The following IRS2 variants were observed in gnomAD, a reference collection of about 807,000 sequenced individuals.
The protein encoded by IRS2 is insulin receptor substrate 2.
Under a neutral mutation model 70.9 loss-of-function variants are expected in IRS2, and 28 were observed. The observed-to-expected ratio is 0.39, with a 90% confidence interval of 0.29 to 0.54. The LOEUF (loss-of-function observed/expected upper bound fraction) is 0.54, where lower values mean the gene tolerates loss of function less well. Among genes scored for constraint, IRS2 ranks in the 20% least tolerant of loss-of-function variants. The pLI is 0.59. For missense variants in IRS2, 2,081 were observed against 2,024.1 expected, an observed-to-expected ratio of 1.03 and a Z score of -0.54; for synonymous variants, 1,217 against 981.9, an observed-to-expected ratio of 1.24 and a Z score of -4.48.
intron 1 of IRS2, among the ~76,000 whole-genome samples, chr13:109,770,012 G>A (rs1877417266): frequency 1.3e-5 from 2 of 152,160 alleles, no homozygotes; most frequent in Admixed American, 1.3e-4. Flanking sequence ...GGCAAAAGGT[G>A]AGAATGGGAG....
At position 109,784,083 on chromosome 13, in the gene IRS2, C is replaced by T. The variant is rs756121311; in HGVS notation, c.1971G>A (p.Thr657=). 14 of 1,584,780 alleles carry T rather than the reference C, an allele frequency of 8.8e-6. No individual in the cohort carries two copies. Among genetic ancestry groups the T allele is most frequent in the Non-Finnish European group, 9.4e-6 (11 of 1,172,936 alleles). ...CACTGCCCGCGAGGGCCGCGCCGGG[C>T]GTCATGGGCATGTAGCCGTCGTCTG... ...LGADDGYMPM[T]PGAALAGSGS... Residue 657 remains threonine, a synonymous_variant, in exon 1 of 2, where the codon ACG becomes ACA. Coordinates refer to ENST00000375856, the MANE Select transcript of IRS2 (RefSeq NM_003749.3). The surrounding 1 kb of genome is among the most constrained non-coding windows in gnomAD (Gnocchi z 5.2).
At position 109,784,276 on chromosome 13, in the gene IRS2, G is replaced by A. The variant is rs1396514764; in HGVS notation, c.1778C>T (p.Ala593Val). Residue 593 changes from alanine to valine, a missense_variant, in exon 1 of 2, where the codon GCC becomes GTC. Transcript: ENST00000375856. The surrounding 1 kb of genome is among the most constrained non-coding windows in gnomAD (Gnocchi z 5.2). ...RQRPVPQPSS[A>V]SLDEYTLMRA... ...CATCAGGGTGTATTCATCCAGCGAG[G>A]CAGAGGAGGGCTGGGGCACCGGCCG... The A allele has an allele frequency of 1.9e-6, 3 of 1,594,670 alleles. No homozygotes were observed. Among genetic ancestry groups the A allele is most frequent in the Non-Finnish European group, 2.6e-6 (3 of 1,170,322 alleles).
At chr13:109,761,950 A>G (rs1015241681) in intron 1 of IRS2, among the ~76,000 whole-genome samples, 2 of 152,194 alleles carry the variant, frequency 1.3e-5, no homozygotes, top group African/African-American at 4.8e-5. Context: ...AGTAAAAGGT[A>G]TCTCCCCCTT....
Position 109,786,545 on chromosome 13 carries a change from A to T in IRS2, c.-492T>A. 1 of 153,614 alleles carries T rather than the reference A, an allele frequency of 6.5e-6. No individual in the cohort carries two copies. 9.5% of individuals were successfully genotyped at this position (153,614 alleles called of 1,614,324 possible). On this transcript the variant is annotated 5_prime_UTR_variant, in exon 1 of 2. Transcript: ENST00000375856. This position sits in a 1 kb window ranked among gnomAD's most constrained non-coding sequence, Gnocchi z 4.4. ...GTTGCTGCTGCTGCTGCCAACGGCGACCCGGGCTCGTCGCGGTCCCCGCCG... is the reference window on the plus strand; with the variant it reads ...GTTGCTGCTGCTGCTGCCAACGGCGTCCCGGGCTCGTCGCGGTCCCCGCCG...
rs751575384 is a variant in IRS2 at position 109,785,193 on chromosome 13, G to A, written c.861C>T (p.Ile287=). 2.5e-5 allele frequency: 40 copies of A among 1,603,372 alleles called. No individual in the cohort carries two copies. Among genetic ancestry groups the A allele is most frequent in the Non-Finnish European group, 3.1e-5 (36 of 1,175,754 alleles). Residue 287 remains isoleucine (I), a synonymous_variant, in exon 1 of 2, where the codon ATC becomes ATT. Transcript: ENST00000375856. The surrounding 1 kb of genome is among the most constrained non-coding windows in gnomAD (Gnocchi z 9.3). ...CCTTGAGCGCCTTCATGGCCTCCAG[G>A]ATGGTCTCGTGGATGTTCTGCGCCA... ...SVVAQNIHET[I]LEAMKALKEL...
chr13:109,782,024 G>A lies in IRS2; in HGVS notation c.4012+18C>T. The A allele has an allele frequency of 1.2e-6, 2 of 1,611,590 alleles. No homozygotes were observed. The highest frequency in any genetic ancestry group is 8.5e-7 in the Non-Finnish European group (1 of 1,179,574). ...GCCCCTCCTTCCCGCCAGACGCCAA[G>A]GCAAAGGGCCTCCTCACCTTTCACG... On this transcript the variant is annotated intron_variant, in intron 1 of 1. Transcript: ENST00000375856.
rs1262863588 is a variant in IRS2 at position 109,754,944 on chromosome 13, G to A, written c.*1360C>T. ...AGATAGGCACTGGGGAAGCCCCCAC[G>A]GGAGGAGAGGTCGACAGCCCTCCAA... On this transcript the variant is annotated 3_prime_UTR_variant, in exon 2 of 2. Transcript: ENST00000375856. 8 of 222,168 alleles carry A rather than the reference G, an allele frequency of 3.6e-5. No individual in the cohort carries two copies. Among genetic ancestry groups the A allele is most frequent in the South Asian group, 1.8e-4 (1 of 5,428 alleles). The allele number at this position is 222,168 out of a possible 1,614,324, so 13.8% of individuals were successfully genotyped here. A position where few individuals can be genotyped will look rare whatever the true frequency, so the allele number is the denominator to read the frequency against.
chr13:109,765,270 A>G (rs1215505635), intron 1 of IRS2, among the ~76,000 whole-genome samples: 1 of 152,232 alleles, frequency 6.6e-6, no homozygotes. Flanking sequence ...TGCAAAATGG[A>G]AAACGCCAAG....
intron 1 of IRS2, among the ~76,000 whole-genome samples, chr13:109,756,575 C>T (rs999258985): frequency 6.6e-6 from 1 of 152,088 alleles, no homozygotes; most frequent in South Asian, 2.1e-4. Context: ...GAAAAATATT[C>T]GCATGTGTTT....
Position 109,753,422 on chromosome 13 carries a change from G to C in IRS2, c.*2882C>G, listed in dbSNP as rs1566402796. ...ATTCTGGACTGCAGAGCTGGGGAGC[G>C]GTCCTGGTTTTACCACTCATGGACT... On this transcript the variant is annotated 3_prime_UTR_variant, in exon 2 of 2. Transcript: ENST00000375856. The C allele has an allele frequency of 6.6e-6, 1 of 152,150 alleles. No homozygotes were observed. The highest frequency in any genetic ancestry group is 1.5e-5 in the Non-Finnish European group (1 of 68,064). The allele number at this position is 152,150 out of a possible 1,614,324, so 9.4% of individuals were successfully genotyped here. A position where few individuals can be genotyped will look rare whatever the true frequency, so the allele number is the denominator to read the frequency against.
Position 109,782,110 on chromosome 13 carries a change from G to A in IRS2, c.3944C>T (p.Pro1315Leu). The change falls in exon 1 of 2, where the codon CCC (proline) becomes CTC (leucine). Residue 1315 changes from proline to leucine, a missense_variant. Physicochemically the swap from Pro to Leu is moderately conservative, Grantham distance 98. Transcript: ENST00000375856. Reference protein sequence around the residue: ...GCGGPGPGALPPANTYASIDF... With the variant: ...GCGGPGPGALLPANTYASIDF... Reference sequence around the variant, plus strand: ...AATGCTGGCGTAGGTGTTGGCAGGGGGCAGGGCACCGGGACCCGGCCCCCC... The same window carrying A: ...AATGCTGGCGTAGGTGTTGGCAGGGAGCAGGGCACCGGGACCCGGCCCCCC... The A allele has an allele frequency of 1.2e-6, 2 of 1,611,604 alleles. No homozygotes were observed. The highest frequency in any genetic ancestry group is 1.7e-6 in the Non-Finnish European group (2 of 1,179,482).
At chr13:109,769,461 C>T (rs761588392) in intron 1 of IRS2, among the ~76,000 whole-genome samples, 9 of 152,156 alleles carry the variant, frequency 5.9e-5, no homozygotes, top group Non-Finnish European at 1.2e-4. Context: ...TGGAACATAC[C>T]GGGCAACCTG....
chr13:109,774,775 T>TTATA (rs1877534166), intron 1 of IRS2, among the ~76,000 whole-genome samples: 2 of 152,250 alleles, frequency 1.3e-5, no homozygotes, highest in African/African-American at 4.8e-5. Context: ...TTTTGGAATA[T>TTATA]TATACCATAT....
Position 109,773,004 on chromosome 13 carries a change from A to AT in IRS2, c.4012+9037dup, listed in dbSNP as rs1877491893. ...GCCACCGCGCCCGGCCGCCTATTAC[A>AT]TTTTTTAAAGTGTGAATATCTTAAG... On this transcript the variant is annotated intron_variant, in intron 1 of 1. Transcript: ENST00000375856. Among the ~76,000 whole-genome samples, 3 of 152,074 alleles carry AT rather than the reference A, an allele frequency of 2.0e-5. 1 individual carries two copies.
chr13:109,783,717 G>C lies in IRS2; in HGVS notation c.2337C>G (p.Thr779=). 1 of 1,574,342 alleles carries C rather than the reference G, an allele frequency of 6.4e-7. No homozygotes were observed. Among genetic ancestry groups the C allele is most frequent in the Non-Finnish European group, 8.6e-7 (1 of 1,160,090 alleles). ...GGGCTGCGGAGAAGAAGTCGGGCGG[G>C]GTGCCCGTGGTGACCGCGTCGCTGG... is the stretch of plus-strand genomic sequence containing the variant. ...VSPSDAVTTG[T]PPDFFSAALH... Residue 779 remains threonine (T), a synonymous_variant, in exon 1 of 2, where the codon ACC becomes ACG. Coordinates refer to ENST00000375856, the MANE Select transcript of IRS2 (RefSeq NM_003749.3).
intron 1 of IRS2, among the ~76,000 whole-genome samples, chr13:109,779,465 A>T (rs1475774441): frequency 3.3e-5 from 5 of 152,230 alleles, no homozygotes; most frequent in Non-Finnish European, 7.3e-5. Flanking sequence ...AGCATCCCAA[A>T]CAAATTTCTA....
chr13:109,782,428 G>A lies in IRS2; in HGVS notation c.3626C>T (p.Pro1209Leu), dbSNP rs999646329. The change falls in exon 1 of 2, where the codon CCG becomes CTG. Residue 1209 changes from proline (P) to leucine (L), a missense_variant. Transcript: ENST00000375856. Reference protein sequence around the residue: ...EPPTSPRQLQPAPPLAPQGRP... With the variant: ...EPPTSPRQLQLAPPLAPQGRP... ...GCCCTGCGGTGCCAAAGGGGGCGCC[G>A]GCTGCAACTGTCGTGGGGAGGTGGG... is the stretch of plus-strand genomic sequence containing the variant. 14 of 1,592,398 alleles carry A rather than the reference G, an allele frequency of 8.8e-6. No homozygotes were observed. The South Asian group carries it at 9.0e-5, about 10-fold the overall frequency.
intron 1 of IRS2, among the ~76,000 whole-genome samples, chr13:109,771,867 A>G (rs1396988733): frequency 6.6e-6 from 1 of 152,226 alleles, no homozygotes; most frequent in Non-Finnish European, 1.5e-5. Flanking sequence ...TGACCTCTTC[A>G]AACAGAAACA....
At position 109,782,409 on chromosome 13, in the gene IRS2, C is replaced by G. The variant is rs1353690048; in HGVS notation, c.3645G>C (p.Pro1215=). Residue 1215 remains proline, a synonymous_variant, in exon 1 of 2, where the codon CCG becomes CCC. Transcript: ENST00000375856. ...GACCCGGGGTCCACGGCCGGCCCTG[C>G]GGTGCCAAAGGGGGCGCCGGCTGCA... ...RQLQPAPPLA[P]QGRPWTPGQP... The G allele has an allele frequency of 6.2e-7, 1 of 1,602,638 alleles. No individual in the cohort carries two copies.
Sources: allele counts gnomAD v4.1 joint callset (sites outside exome capture counted in the v4.1 genomes callset), GRCh38; gene constraint gnomAD v4.1.1; non-coding constraint Gnocchi (gnomAD v3.1); transcripts MANE v1.5; gene names NCBI Gene and HGNC (gene_info 2026-07-23, HGNC 2026-07-21).